The following VEPH1 variants were observed in gnomAD, a reference collection of about 807,000 sequenced individuals.
The protein encoded by VEPH1 is ventricular zone-expressed PH domain-containing protein homolog 1.
A neutral mutation model predicts 85.2 loss-of-function variants in VEPH1; 80 were observed. The ratio of observed to expected loss-of-function variants is 0.94; its 90% CI spans 0.78 to 1.13. The LOEUF (loss-of-function observed/expected upper bound fraction) is 1.13. Among genes scored for constraint, VEPH1 ranks in the 50% most tolerant of loss-of-function variants. The pLI is 0.00. For synonymous variants in VEPH1, 297 were observed against 348.0 expected (o/e 0.85, Z 1.63); for missense variants, 955 against 980.5 (o/e 0.97, Z 0.35).
intron 9 of VEPH1, among the ~76,000 whole-genome samples, chr3:157,349,010 A>G (rs917365589): frequency 6.6e-6 from 1 of 152,268 alleles, no homozygotes; most frequent in Non-Finnish European, 1.5e-5. Context: ...CTGTGAGGCC[A>G]GCATATCCCT....
intron 12 of VEPH1, among the ~76,000 whole-genome samples, chr3:157,282,664 C>T (rs1475788392): frequency 6.6e-6 from 1 of 152,172 alleles, no homozygotes; most frequent in Non-Finnish European, 1.5e-5. Context: ...CCCAGTTCTT[C>T]CTCCTACTTT....
At chr3:157,416,290 GAA>G (rs1731905199) in intron 5 of VEPH1, among the ~76,000 whole-genome samples, 2 of 152,050 alleles carry the variant, frequency 1.3e-5, no homozygotes, top group South Asian at 4.2e-4. Context: ...CATAAAAGAA[GAA>G]AGTTTCTAGA....
chr3:157,428,273 G>A, intron 5 of VEPH1, 49 bp downstream of exon 5: 1 of 1,597,492 alleles, frequency 6.3e-7, no homozygotes, highest in Non-Finnish European at 8.6e-7. Context: ...CACACACAAA[G>A]AAACATGCCT....
intron 12 of VEPH1, among the ~76,000 whole-genome samples, chr3:157,281,543 T>G (rs1210930197): frequency 6.6e-6 from 1 of 151,986 alleles, no homozygotes; most frequent in Non-Finnish European, 1.5e-5. Context: ...GAGTTTTCTT[T>G]TTTTTTTTTC....
At chr3:157,265,692 T>G in intron 12 of VEPH1, 30 bp from the exon 13 acceptor site, 1 of 1,609,130 alleles carries the variant, frequency 6.2e-7, no homozygotes, top group Admixed American at 1.7e-5. Context: ...AATCATGCCA[T>G]GTATTTTCCA....
chr3:157,445,601 C>T (rs1472042756), intron 4 of VEPH1, among the ~76,000 whole-genome samples: 1 of 152,118 alleles, frequency 6.6e-6, no homozygotes, highest in African/African-American at 2.4e-5. Context: ...AGCCTGGCAA[C>T]AGAGTGAGAC....
In VEPH1 at chr3:157,458,910, G is replaced by T. The variant is rs77304019; in HGVS notation, c.529+1271C>A. Among the ~76,000 whole-genome samples the T allele has an allele frequency of 3.1e-3, 468 of 152,248 alleles. 1 individual carries two copies. The highest frequency in any genetic ancestry group is 0.011 in the African/African-American group (445 of 41,552). On this transcript the variant is annotated intron_variant, in intron 4 of 13. Transcript: ENST00000362010. Reference sequence around the variant, plus strand: ...CCCACTGATTATTTTTGTTGAATTTGTCAAAGATCAGATGGTGGCTCTAGG... The same window carrying T: ...CCCACTGATTATTTTTGTTGAATTTTTCAAAGATCAGATGGTGGCTCTAGG...
In VEPH1 at chr3:157,495,466, G is replaced by A; in HGVS notation, c.-117C>T. 1 of 1,506,320 alleles carries A rather than the reference G, an allele frequency of 6.6e-7. No individual in the cohort carries two copies. The highest frequency in any genetic ancestry group is 8.9e-7 in the Non-Finnish European group (1 of 1,129,742). 93.3% of individuals were successfully genotyped at this position (1,506,320 alleles called of 1,614,324 possible). The stretch of plus-strand genomic sequence containing the variant: ...GAGGTATACTTCTTATTCCATGAAA[G>A]GTCATTTTTCTCCAGACTTTGAGGT... On this transcript the variant is annotated 5_prime_UTR_variant, in exon 2 of 14. Transcript: ENST00000362010.
rs1468380889 is a variant in VEPH1 at position 157,451,159 on chromosome 3, T to G, written c.529+9022A>C. Among the ~76,000 whole-genome samples, 4 of 152,330 alleles carry G rather than the reference T, an allele frequency of 2.6e-5. No homozygotes were observed. In the East Asian group the frequency reaches 7.7e-4, roughly 29 times the overall value. ...TGGGAAAGTTTTAAAGAGATTGTAA[T>G]GATCTGTTCTTTGTATATTTGTTAT... On this transcript the variant is annotated intron_variant, in intron 4 of 13. Transcript: ENST00000362010.
Position 157,470,452 on chromosome 3 carries a change from G to C in VEPH1, c.216C>G (p.Thr72=). Residue 72 remains threonine, a synonymous_variant, in exon 3 of 14, where the codon ACC becomes ACG. Coordinates refer to ENST00000362010, the MANE Select transcript of VEPH1 (RefSeq NM_001167912.2). ...ITRITTAIRE[T]ESIEKHAKAL... ...CCTTTGCATGCTTTTCAATGGACTCGGTCTCTCTGATGGCTGTTGTGATTC... is the reference window on the plus strand; with the variant it reads ...CCTTTGCATGCTTTTCAATGGACTCCGTCTCTCTGATGGCTGTTGTGATTC... 1 of 1,614,144 alleles carries C rather than the reference G, an allele frequency of 6.2e-7. No homozygotes were observed. The highest frequency in any genetic ancestry group is 8.5e-7 in the Non-Finnish European group (1 of 1,180,022).
intron 4 of VEPH1, among the ~76,000 whole-genome samples, chr3:157,432,372 A>C (rs1481341853): frequency 6.6e-6 from 1 of 151,838 alleles, no homozygotes; most frequent in Non-Finnish European, 1.5e-5. Context: ...TTTTGTTAGA[A>C]ATTTTTCTGT....
intron 11 of VEPH1, among the ~76,000 whole-genome samples, chr3:157,312,025 C>T (rs1720165131): frequency 6.6e-6 from 1 of 152,268 alleles, no homozygotes. Context: ...AAATCATGCT[C>T]ATTTTTCATA....
rs114738032 is a variant in VEPH1 at position 157,350,377 on chromosome 3, T to A, written c.1735+12987A>T. Among the ~76,000 whole-genome samples the A allele has an allele frequency of 4.2e-3, 641 of 152,170 alleles. 6 individuals carry two copies. Among genetic ancestry groups the A allele is most frequent in the African/African-American group, 0.015 (620 of 41,514 alleles). ...TATACAAAAATCAACTCACAATGAA[T>A]CAAAGACCTAAGTGTAAAACTGGAA... is the stretch of plus-strand genomic sequence containing the variant. On this transcript the variant is annotated intron_variant, in intron 9 of 13. Coordinates refer to ENST00000362010, the MANE Select transcript of VEPH1 (RefSeq NM_001167912.2).
intron 3 of VEPH1, among the ~76,000 whole-genome samples, chr3:157,460,713 G>A (rs1735787095): frequency 6.6e-6 from 1 of 152,168 alleles, no homozygotes; most frequent in African/African-American, 2.4e-5. Context: ...GAGATGGCTG[G>A]GTGCTGGCAA....
chr3:157,290,203 G>C (rs1472950806), intron 11 of VEPH1, among the ~76,000 whole-genome samples: 1 of 152,070 alleles, frequency 6.6e-6, no homozygotes, highest in African/African-American at 2.4e-5. Flanking sequence ...GCCTTCAGCT[G>C]GTAGCCAGTA....
chr3:157,312,672 G>C (rs1451169198), intron 11 of VEPH1, among the ~76,000 whole-genome samples: 1 of 152,124 alleles, frequency 6.6e-6, no homozygotes, highest in Non-Finnish European at 1.5e-5. Context: ...CAGGCTGTCA[G>C]TCCTGTTGAT....
intron 5 of VEPH1, among the ~76,000 whole-genome samples, chr3:157,419,771 T>G (rs139769067): frequency 6.6e-6 from 1 of 152,296 alleles, no homozygotes; most frequent in African/African-American, 2.4e-5. Flanking sequence ...TGGTGATTCT[T>G]CAAAGACCCA....
intron 6 of VEPH1, among the ~76,000 whole-genome samples, chr3:157,407,189 G>T (rs914449739): frequency 1.3e-5 from 2 of 152,054 alleles, no homozygotes; most frequent in African/African-American, 4.8e-5. Context: ...ATTCTATTTT[G>T]GTCCTCTGTG....
chr3:157,355,113 C>G (rs1036773796), intron 9 of VEPH1, among the ~76,000 whole-genome samples: 6 of 152,216 alleles, frequency 3.9e-5, no homozygotes, highest in African/African-American at 1.4e-4. Flanking sequence ...AGAGTTCCTT[C>G]TCCAGGGAAG....
Sources: allele counts gnomAD v4.1 joint callset (sites outside exome capture counted in the v4.1 genomes callset), GRCh38; gene constraint gnomAD v4.1.1; transcripts MANE v1.5; gene names NCBI Gene and HGNC (gene_info 2026-07-23, HGNC 2026-07-21).